Variants in AQR observed in about 807,000 individuals in gnomAD.
AQR encodes aquarius intron-binding spliceosomal factor.
AQR carries 61 observed loss-of-function variants against 180.5 expected under a neutral mutation model. That is an observed-to-expected ratio of 0.34 (90% CI 0.28 to 0.42). The LOEUF is 0.42. AQR is among the 10% of genes least tolerant of loss of function. The pLI is 1.00. For synonymous variants in AQR, 551 were observed against 588.8 expected (o/e 0.94, Z 0.93); for missense variants, 1,281 against 1,798.3 (o/e 0.71, Z 5.20).
At chr15:34,927,255 G>C (rs1471379704) in intron 12 of AQR, 117 bp from the exon 13 acceptor site, 1 of 525,880 alleles carries the variant, frequency 1.9e-6, no homozygotes, top group African/African-American at 2.0e-5. Flanking sequence ...TCTCTTATAT[G>C]CTTCTTTTAT....
chr15:34,942,255 T>C (rs865923580), intron 6 of AQR, among the ~76,000 whole-genome samples, 175 bp from the exon 7 acceptor site: 1 of 148,662 alleles, frequency 6.7e-6, no homozygotes, highest in South Asian at 2.1e-4. Flanking sequence ...TCCATCCTTA[T>C]TATCTACAGA....
rs766356528 is a variant in AQR at position 34,910,269 on chromosome 15, A to G, written c.1529T>C (p.Met510Thr). 2.5e-6 allele frequency: 4 copies of G among 1,614,082 alleles called. No individual in the cohort carries two copies. Among genetic ancestry groups the G allele is most frequent in the Non-Finnish European group, 2.5e-6 (3 of 1,180,040 alleles). ...AGTGAAAGCCACAATGGGCTGGGCC[A>G]TTCGCGCCCAACCACCAAACACTAC... The part of the protein sequence containing the change: ...GGVVFGGWAR[M>T]AQPIVAFTVV... The change falls in exon 17 of 35, where the codon ATG becomes ACG. Residue 510 changes from methionine (M) to threonine (T), a missense_variant. Physicochemically the swap from Met to Thr is moderately conservative, Grantham distance 81. This residue lies in a region of AQR where 200 missense variants were observed against 293.4 expected (regional missense o/e 0.68). Coordinates refer to ENST00000156471, the MANE Select transcript of AQR (RefSeq NM_014691.3).
At chr15:34,886,872 C>G (rs1893067644) in intron 24 of AQR, among the ~76,000 whole-genome samples, 1 of 151,360 alleles carries the variant, frequency 6.6e-6, no homozygotes, top group African/African-American at 2.4e-5. Flanking sequence ...GCCTGTAATC[C>G]CAACACTTCG....
At chr15:34,932,677 AGGCCG>A (rs1259164909) in intron 10 of AQR, among the ~76,000 whole-genome samples, 1 of 152,188 alleles carries the variant, frequency 6.6e-6, no homozygotes, top group Non-Finnish European at 1.5e-5. Context: ...TTGAAAATAA[AGGCCG>A]GGCGCGGTGG....
At chr15:34,938,276 G>C (rs1184150655) in intron 9 of AQR, among the ~76,000 whole-genome samples, 4 of 152,150 alleles carry the variant, frequency 2.6e-5, no homozygotes, top group African/African-American at 9.7e-5. Context: ...GCTCACGCCT[G>C]TAATCCCAGC....
Position 34,959,057 on chromosome 15 carries a change from T to C in AQR, c.173+1717A>G, listed in dbSNP as rs1280517903. On this transcript the variant is annotated intron_variant, in intron 3 of 34. Coordinates refer to ENST00000156471, the MANE Select transcript of AQR (RefSeq NM_014691.3). ...TATCTGTCTGTCCGTCTGTCTGACC[T>C]ACTAGAATGTAAGCTCCAGGAGAGC... 2.6e-5 allele frequency among the ~76,000 whole-genome samples: 4 copies of C among 152,298 alleles called. No homozygotes were observed. In the East Asian group the frequency reaches 7.7e-4, roughly 29 times the overall value.
At chr15:34,928,148 A>T (rs571272613) in intron 12 of AQR, among the ~76,000 whole-genome samples, 1 of 152,252 alleles carries the variant, frequency 6.6e-6, no homozygotes, top group South Asian at 2.1e-4. Flanking sequence ...CAATAAGGCT[A>T]TTTTGGTGTC....
At chr15:34,905,390 G>T (rs747260629) in intron 18 of AQR, among the ~76,000 whole-genome samples, 4 of 152,016 alleles carry the variant, frequency 2.6e-5, no homozygotes, top group South Asian at 2.1e-4. Flanking sequence ...ACAGAAGAAA[G>T]AATTTCAAAG....
intron 3 of AQR, among the ~76,000 whole-genome samples, chr15:34,959,156 T>A (rs1234384056): frequency 1.3e-5 from 2 of 152,148 alleles, no homozygotes; most frequent in East Asian, 3.8e-4. Flanking sequence ...TAGGCTCAAC[T>A]CAGTCTCTTT....
At chr15:34,874,986 C>T in intron 28 of AQR, 122 bp from the exon 29 acceptor site, 1 of 908,766 alleles carries the variant, frequency 1.1e-6, no homozygotes, top group South Asian at 1.8e-5. Context: ...CAAACTTTAC[C>T]AGCTCCACAA....
chr15:34,957,774 CAT>C (rs1218705772), intron 3 of AQR, among the ~76,000 whole-genome samples: 16 of 144,164 alleles, frequency 1.1e-4, no homozygotes, highest in African/African-American at 4.0e-4. Context: ...CATGAAAAAA[CAT>C]AAAACATAAA....
At chr15:34,915,941 C>T (rs1253659027) in intron 15 of AQR, among the ~76,000 whole-genome samples, 3 of 150,380 alleles carry the variant, frequency 2.0e-5, no homozygotes, top group South Asian at 2.1e-4. Context: ...AGCAAAACTC[C>T]GTCTCAAATA....
At chr15:34,915,980 G>A (rs1893578160) in intron 15 of AQR, among the ~76,000 whole-genome samples, 1 of 151,850 alleles carries the variant, frequency 6.6e-6, no homozygotes, top group Non-Finnish European at 1.5e-5. Context: ...GAATTGGGGT[G>A]AAGGATGAGT....
Position 34,915,188 on chromosome 15 carries a change from GAAA to G in AQR, c.1343-12_1343-10del, listed in dbSNP as rs766778287. On this transcript the variant is annotated splice_polypyrimidine_tract_variant and intron_variant, in intron 15 of 34. Coordinates refer to ENST00000156471, the MANE Select transcript of AQR (RefSeq NM_014691.3). Reference sequence around the variant, plus strand: ...GGGAAGAGCAAGACAACCTGAAAAGGAAAAAAACATCCATATTTCAATTTTTTT... The same window carrying G: ...GGGAAGAGCAAGACAACCTGAAAAGGAAAACATCCATATTTCAATTTTTTT... The G allele has an allele frequency of 1.3e-6, 2 of 1,561,066 alleles. No individual in the cohort carries two copies. The highest frequency in any genetic ancestry group is 2.8e-5 in the African/African-American group (2 of 71,212).
chr15:34,918,671 T>A (rs758254816), intron 14 of AQR, among the ~76,000 whole-genome samples: 1 of 152,200 alleles, frequency 6.6e-6, no homozygotes, highest in Non-Finnish European at 1.5e-5. Flanking sequence ...CTAAAACAGA[T>A]AAAGTGCCAC....
chr15:34,959,229 T>G (rs1306084592), intron 3 of AQR, among the ~76,000 whole-genome samples: 1 of 152,194 alleles, frequency 6.6e-6, no homozygotes. Context: ...GTGGCACAAC[T>G]GTGGCTCACT....
chr15:34,895,396 A>G (rs1453707403), intron 22 of AQR, among the ~76,000 whole-genome samples: 1 of 151,254 alleles, frequency 6.6e-6, no homozygotes, highest in African/African-American at 2.4e-5. Flanking sequence ...TAAACACGCA[A>G]GTTGAAAGAC....
intron 13 of AQR, among the ~76,000 whole-genome samples, chr15:34,925,916 C>A (rs1893754812): frequency 6.6e-6 from 1 of 151,992 alleles, no homozygotes. Context: ...TGCCTGTAAT[C>A]CCGGCACTTT....
chr15:34,887,634 A>C (rs1387034825), intron 24 of AQR, among the ~76,000 whole-genome samples: 3 of 152,154 alleles, frequency 2.0e-5, no homozygotes, highest in South Asian at 2.1e-4. Flanking sequence ...ACAACACCAC[A>C]ACAACAAAGG....
Sources: gnomAD v4.1 joint callset for allele counts (sites outside exome capture counted in the v4.1 genomes callset) on GRCh38, gnomAD v4.1.1 for gene constraint, gnomAD v4.1.1 regional missense constraint, MANE v1.5 for transcripts, NCBI Gene and HGNC (gene_info 2026-07-23, HGNC 2026-07-21) for gene names.